The following SEMA4B variants were observed in gnomAD, a reference collection of about 807,000 sequenced individuals.
SEMA4B encodes the protein semaphorin 4B.
SEMA4B carries 55 observed loss-of-function variants against 88.1 expected under a neutral mutation model. The observed-to-expected ratio is 0.62, with a 90% confidence interval of 0.50 to 0.78. The LOEUF (loss-of-function observed/expected upper bound fraction) is 0.78. Ranked by LOEUF, SEMA4B falls within the 30% of genes least tolerant of loss-of-function variation. SEMA4B has a pLI of 0.00. For synonymous variants in SEMA4B, 525 were observed against 473.6 expected, an observed-to-expected ratio of 1.11 and a Z score of -1.41; for missense variants, 1,062 against 1,111.9, an observed-to-expected ratio of 0.96 and a Z score of 0.64.
chr15:90,200,109 G>A (rs1960649968), upstream of SEMA4B, among the ~76,000 whole-genome samples: 1 of 152,224 alleles, frequency 6.6e-6, no homozygotes. Flanking sequence ...AGGAAACTTA[G>A]CTGTAAGAAA....
intron 12 of SEMA4B, 94 bp downstream of exon 12, chr15:90,225,921 C>T: frequency 1.0e-6 from 1 of 1,001,204 alleles, no homozygotes; most frequent in East Asian, 3.0e-5. Flanking sequence ...CGCCACACAG[C>T]CTCGTTTATG....
At chr15:90,202,691 T>C (rs1057446844) in intron 1 of SEMA4B, among the ~76,000 whole-genome samples, 2 of 152,192 alleles carry the variant, frequency 1.3e-5, no homozygotes, top group African/African-American at 4.8e-5. Context: ...GTTACTCGGG[T>C]ATGAAGTTTA....
Position 90,221,443 on chromosome 15 carries a change from C to T in SEMA4B, c.672C>T (p.Arg224=), listed in dbSNP as rs755922600. The T allele has an allele frequency of 1.3e-6, 2 of 1,589,036 alleles. No individual in the cohort carries two copies. The highest frequency in any genetic ancestry group is 2.7e-5 in the African/African-American group (2 of 74,104). The stretch of plus-strand genomic sequence containing the variant: ...CCATCTCGCGGAGCCAAAGCCTTCG[C>T]CCCACCAAGACCGAGAGCTCCCTCA... ...DPAISRSQSL[R]PTKTESSLNW... The change falls in exon 6 of 14, where the codon CGC becomes CGT. Residue 224 remains arginine, a synonymous_variant. Transcript: ENST00000411539.
rs751657806 is a variant in SEMA4B, at chr15:90,223,759, G to A, written c.1043+19G>A. On this transcript the variant is annotated intron_variant, in intron 8 of 13. Transcript: ENST00000411539. ...CCCAGTGGTAGGGCCTCCAGACCTC[G>A]CTGGAGATGGAAGGGTGAAGGGTGG... 1.1e-5 allele frequency: 17 copies of A among 1,602,960 alleles called. No homozygotes were observed. Among genetic ancestry groups the A allele is most frequent in the East Asian group, 6.7e-5 (3 of 44,634 alleles).
At chr15:90,188,092 G>A (rs777534347) in intron 1 of SEMA4B, among the ~76,000 whole-genome samples, 21 of 151,966 alleles carry the variant, frequency 1.4e-4, no homozygotes, top group South Asian at 6.2e-4. Flanking sequence ...GCCAAGGTGG[G>A]TGGATCGCTT....
Position 90,212,811 on chromosome 15 carries a change from GTC to G in SEMA4B, c.158-4624_158-4623del, listed in dbSNP as rs1423470029. ...CACAACACGAGCCTGTGACACGCAA[GTC>G]TCTGTTTCTGAGCTGATGCCGTCTG... On this transcript the variant is annotated intron_variant, in intron 1 of 13. Coordinates refer to ENST00000411539, the MANE Select transcript of SEMA4B (RefSeq NM_198925.4). This position sits in a 1 kb window ranked among gnomAD's most constrained non-coding sequence, Gnocchi z 4.0. Among the ~76,000 whole-genome samples, 3 of 152,300 alleles carry G rather than the reference GTC, an allele frequency of 2.0e-5. No homozygotes were observed. The highest frequency in any genetic ancestry group is 2.0e-4 in the Admixed American group (3 of 15,302).
At chr15:90,188,155 CA>C (rs1366133630) in intron 1 of SEMA4B, among the ~76,000 whole-genome samples, 1 of 151,640 alleles carries the variant, frequency 6.6e-6, no homozygotes, top group East Asian at 1.9e-4. Context: ...TCAGTCTCTA[CA>C]AAAAATACAA....
chr15:90,201,292 CT>C (rs1960702606), upstream of SEMA4B: 1 of 1,111,454 alleles, frequency 9.0e-7, no homozygotes, highest in African/African-American at 1.6e-5. Flanking sequence ...GCCGGCCGGG[CT>C]CACGGCCGAC....
chr15:90,211,922 C>T (rs1436567069), intron 1 of SEMA4B, among the ~76,000 whole-genome samples: 5 of 152,002 alleles, frequency 3.3e-5, no homozygotes, highest in African/African-American at 9.7e-5. Context: ...CTGCCGTGCC[C>T]GGAGCCACAG....
intron 4 of SEMA4B, 86 bp from the exon 5 acceptor site, chr15:90,220,896 T>G: frequency 1.2e-6 from 1 of 860,764 alleles, no homozygotes; most frequent in Admixed American, 2.0e-5. Context: ...CAGAGTTGCC[T>G]TCTCCTGCAC....
chr15:90,217,422 C>T lies in SEMA4B; in HGVS notation c.158-17C>T, dbSNP rs1231031720. 1.2e-6 allele frequency: 2 copies of T among 1,608,250 alleles called. No homozygotes were observed. Among genetic ancestry groups the T allele is most frequent in the African/African-American group, 1.3e-5 (1 of 74,982 alleles). ...GGGAGGGGTGGCCCCAGGTAATACC[C>T]ATCTTCCTCTCCCCAGGCTCTGAAG... On this transcript the variant is annotated splice_polypyrimidine_tract_variant and intron_variant, in intron 1 of 13. Transcript: ENST00000411539.
At chr15:90,225,939 T>C in intron 12 of SEMA4B, 112 bp downstream of exon 12, 1 of 795,036 alleles carries the variant, frequency 1.3e-6, no homozygotes, top group Non-Finnish European at 1.8e-6. Flanking sequence ...ATGTCCACTG[T>C]CTCAGCATAA....
chr15:90,214,581 C>T (rs1961437239), intron 1 of SEMA4B, among the ~76,000 whole-genome samples: 1 of 125,828 alleles, frequency 7.9e-6, no homozygotes. Context: ...TGCGGTGAGC[C>T]AAGATTGTGC....
exon 1 of SEMA4B, chr15:90,185,070 G>T: frequency 1.0e-6 from 1 of 985,076 alleles, no homozygotes; most frequent in Non-Finnish European, 1.2e-6. Context: ...CGCTGACCCT[G>T]ACTCACTCCA....
Position 90,229,388 on chromosome 15 carries a change from C to G in SEMA4B, c.*745C>G, listed in dbSNP as rs1433089057. 1 of 456,596 alleles carries G rather than the reference C, an allele frequency of 2.2e-6. No individual in the cohort carries two copies. The highest frequency in any genetic ancestry group is 2.3e-5 in the Admixed American group (1 of 42,560). The allele number at this position is 456,596 out of a possible 1,614,324, so 28.3% of individuals were successfully genotyped here. A position where few individuals can be genotyped will look rare whatever the true frequency, so the allele number is the denominator to read the frequency against. ...CCTCAGAATTCAGGGAAGAGACTGTCGCCTGCCTTCCTCCGTTGTTGCGTG... is the reference window on the plus strand; with the variant it reads ...CCTCAGAATTCAGGGAAGAGACTGTGGCCTGCCTTCCTCCGTTGTTGCGTG... On this transcript the variant is annotated 3_prime_UTR_variant, in exon 14 of 14. Coordinates refer to ENST00000411539, the MANE Select transcript of SEMA4B (RefSeq NM_198925.4).
chr15:90,227,797 G>A lies in SEMA4B; in HGVS notation c.1775-107G>A, dbSNP rs781170471. The A allele has an allele frequency of 9.4e-5, 144 of 1,537,726 alleles. 1 individual carries two copies. Among genetic ancestry groups the A allele is most frequent in the Non-Finnish European group, 1.1e-4 (124 of 1,134,452 alleles). On this transcript the variant is annotated intron_variant, in intron 13 of 13. Transcript: ENST00000411539. ...GGAAGACTCAGTCCCAGGGGTCCCC[G>A]GAGTTGCCCATCGTGGCACCAGGGG...
At chr15:90,185,761 TAATGCCTTAGAAC>T in intron 1 of SEMA4B, among the ~76,000 whole-genome samples, 1 of 152,052 alleles carries the variant, frequency 6.6e-6, no homozygotes, top group East Asian at 1.9e-4. Flanking sequence ...TTTTTCCCCA[TAATGCCTTAGAAC>T]TGGAAAAGAT....
intron 1 of SEMA4B, among the ~76,000 whole-genome samples, chr15:90,201,947 T>G (rs554429361): frequency 6.6e-6 from 1 of 152,328 alleles, no homozygotes; most frequent in South Asian, 2.1e-4. Context: ...CAGTTTTCTT[T>G]CTGCGTAGGG....
chr15:90,228,298 G>C lies in SEMA4B; in HGVS notation c.2169G>C (p.Thr723=). 1.9e-6 allele frequency: 3 copies of C among 1,591,068 alleles called. No homozygotes were observed. Among genetic ancestry groups the C allele is most frequent in the Non-Finnish European group, 2.6e-6 (3 of 1,167,554 alleles). Reference sequence around the variant, plus strand: ...GGAAGGAGTTCCTGGTGATGTGCACGCTCTTTGTGCTGGCCGTGCTGCTCC... The same window carrying C: ...GGAAGGAGTTCCTGGTGATGTGCACCCTCTTTGTGCTGGCCGTGCTGCTCC... The part of the protein sequence containing the change: ...SYWKEFLVMC[T]LFVLAVLLPV... The change falls in exon 14 of 14, where the codon ACG becomes ACC. Residue 723 remains threonine, a synonymous_variant. Coordinates refer to ENST00000411539, the MANE Select transcript of SEMA4B (RefSeq NM_198925.4).
Sources: allele counts gnomAD v4.1 joint callset (sites outside exome capture counted in the v4.1 genomes callset), GRCh38; gene constraint gnomAD v4.1.1; non-coding constraint Gnocchi (gnomAD v3.1); transcripts MANE v1.5; gene names NCBI Gene and HGNC (gene_info 2026-07-23, HGNC 2026-07-21).